Variants in PIAS2 observed in about 807,000 individuals in gnomAD.
PIAS2 encodes protein inhibitor of activated STAT 2, also known as E3 SUMO-protein ligase PIAS2.
In PIAS2, 19 loss-of-function variants were observed where a neutral mutation model predicts 69.7. That is an observed-to-expected ratio of 0.27 (90% CI 0.19 to 0.40). The LOEUF is 0.40. Ranked by LOEUF, PIAS2 falls within the 10% of genes least tolerant of loss-of-function variation. The pLI is 1.00. For missense variants in PIAS2, 624 were observed against 757.0 expected (o/e 0.82, Z 2.06); for synonymous variants, 261 against 263.2 (o/e 0.99, Z 0.08).
intron 10 of PIAS2, among the ~76,000 whole-genome samples, 198 bp downstream of exon 10, chr18:46,829,536 A>T (rs1461848568): frequency 1.3e-5 from 2 of 152,226 alleles, no homozygotes; most frequent in Non-Finnish European, 2.9e-5. Flanking sequence ...AAAATATACT[A>T]TGAAATAGCT....
At chr18:46,822,282 A>AC (rs2042259760) in intron 11 of PIAS2, among the ~76,000 whole-genome samples, 1 of 152,352 alleles carries the variant, frequency 6.6e-6, no homozygotes, top group East Asian at 1.9e-4. Flanking sequence ...CAACTATGTT[A>AC]GTCTCAGAAA....
Position 46,891,016 on chromosome 18 carries a change from T to C in PIAS2, c.63A>G (p.Val21=), listed in dbSNP as rs763169778. ...VSSFRVSELQ[V]LLGFAGRNKS... is the part of the protein sequence containing the mutation. ...TATTCCGTCCAGCAAAGCCTAGTAA[T>C]ACTTGTAGTTCAGAAACCCTAAAAC... The change falls in exon 2 of 14, where the codon GTA becomes GTG. Residue 21 remains valine, a synonymous_variant. Transcript: ENST00000585916. 1.3e-5 allele frequency: 21 copies of C among 1,608,692 alleles called. No homozygotes were observed. The highest frequency in any genetic ancestry group is 1.7e-5 in the Non-Finnish European group (20 of 1,177,134).
At chr18:46,818,175 T>C in intron 12 of PIAS2, 1 of 1,145,772 alleles carries the variant, frequency 8.7e-7, no homozygotes. Context: ...TTTCCTTATT[T>C]GAGTCATAAA....
At chr18:46,814,859 C>T (rs2041344291) in intron 13 of PIAS2, among the ~76,000 whole-genome samples, 1 of 152,156 alleles carries the variant, frequency 6.6e-6, no homozygotes, top group Non-Finnish European at 1.5e-5. Flanking sequence ...CAACTTTAAA[C>T]TGGGGCCTCC....
intron 1 of PIAS2, 99 bp from the exon 2 acceptor site, chr18:46,891,153 T>G: frequency 3.6e-6 from 3 of 825,600 alleles, no homozygotes; most frequent in Non-Finnish European, 5.8e-6. Flanking sequence ...CAGCATTCTA[T>G]CAATTGGCAT....
chr18:46,895,834 T>C (rs558149384), intron 1 of PIAS2, among the ~76,000 whole-genome samples: 2 of 152,300 alleles, frequency 1.3e-5, no homozygotes, highest in South Asian at 2.1e-4. Flanking sequence ...CAAAGGTCAT[T>C]GGAGGCCCCA....
intron 1 of PIAS2, among the ~76,000 whole-genome samples, chr18:46,904,559 T>C (rs1442653059): frequency 6.6e-6 from 1 of 152,146 alleles, no homozygotes; most frequent in East Asian, 1.9e-4. Context: ...AAGACCAGCC[T>C]GGCCAACATG....
upstream of PIAS2, among the ~76,000 whole-genome samples, chr18:46,919,903 T>C (rs1345344489): frequency 6.6e-6 from 1 of 152,218 alleles, no homozygotes; most frequent in Non-Finnish European, 1.5e-5. Context: ...CATTGTTTAG[T>C]AGGCTTTAAG....
At chr18:46,903,265 ACAAT>A (rs1330180154) in intron 1 of PIAS2, among the ~76,000 whole-genome samples, 2 of 152,228 alleles carry the variant, frequency 1.3e-5, no homozygotes, top group Non-Finnish European at 2.9e-5. Flanking sequence ...GGAAAAAAAG[ACAAT>A]CAACAGACTC....
At chr18:46,831,981 G>A (rs2043690375) in intron 9 of PIAS2, among the ~76,000 whole-genome samples, 1 of 152,186 alleles carries the variant, frequency 6.6e-6, no homozygotes. Flanking sequence ...AGACACTTCT[G>A]CTTTTTGACA....
intron 1 of PIAS2, among the ~76,000 whole-genome samples, chr18:46,916,490 C>T (rs920166667): frequency 2.0e-5 from 3 of 151,966 alleles, no homozygotes; most frequent in African/African-American, 7.3e-5. Flanking sequence ...CCATCTCATT[C>T]GTCACACTTA....
intron 1 of PIAS2, among the ~76,000 whole-genome samples, chr18:46,911,565 G>C (rs373085801): frequency 9.9e-5 from 15 of 152,274 alleles, no homozygotes; most frequent in African/African-American, 3.6e-4. Context: ...CAGAAGTGAA[G>C]TTTCTCTATG....
At chr18:46,813,934 T>G (rs984908733) in intron 13 of PIAS2, among the ~76,000 whole-genome samples, 7 of 152,134 alleles carry the variant, frequency 4.6e-5, no homozygotes, top group African/African-American at 1.4e-4. Flanking sequence ...TTTTCTAAAA[T>G]CAAATCAATT....
At chr18:46,908,500 A>G (rs2056885512) in intron 1 of PIAS2, among the ~76,000 whole-genome samples, 1 of 151,978 alleles carries the variant, frequency 6.6e-6, no homozygotes, top group African/African-American at 2.4e-5. Context: ...ACTGTATACA[A>G]AATCAACTCC....
rs1037894640 is a variant in PIAS2 at position 46,826,370 on chromosome 18, T to G, written c.1508+1589A>C. The stretch of plus-strand genomic sequence containing the variant: ...TAAAAATGTAGTAAAGGACAGAGGG[T>G]AGACCCTTGTGGCATGCCACCAGAG... On this transcript the variant is annotated intron_variant, in intron 11 of 13. Coordinates refer to ENST00000585916, the MANE Select transcript of PIAS2 (RefSeq NM_004671.5). 2.0e-5 allele frequency among the ~76,000 whole-genome samples: 3 copies of G among 152,032 alleles called. No individual in the cohort carries two copies. The South Asian group carries it at 6.2e-4, about 32-fold the overall frequency.
chr18:46,887,239 A>G (rs923144633), intron 2 of PIAS2, among the ~76,000 whole-genome samples: 20 of 150,188 alleles, frequency 1.3e-4, no homozygotes, highest in South Asian at 2.1e-4. Context: ...AAACATAAAT[A>G]AAGCAAAAAG....
At chr18:46,816,909 C>T in intron 12 of PIAS2, 1 of 937,906 alleles carries the variant, frequency 1.1e-6, no homozygotes, top group Non-Finnish European at 1.3e-6. Context: ...TCTCAATAAG[C>T]AGATTTTGTC....
At chr18:46,889,243 C>T (rs189240292) in intron 2 of PIAS2, among the ~76,000 whole-genome samples, 105 of 152,182 alleles carry the variant, frequency 6.9e-4, no homozygotes, top group African/African-American at 2.4e-3. Flanking sequence ...ATTGGAATTT[C>T]ATGAAAAAAT....
intron 5 of PIAS2, chr18:46,853,624 AC>A (rs1172454691): frequency 2.0e-5 from 3 of 152,352 alleles, no homozygotes; most frequent in African/African-American, 7.2e-5. Flanking sequence ...CCCTGTCCCT[AC>A]TAAAATTACA....
Sources: gnomAD v4.1 joint callset for allele counts (sites outside exome capture counted in the v4.1 genomes callset) on GRCh38, gnomAD v4.1.1 for gene constraint, MANE v1.5 for transcripts, NCBI Gene and HGNC (gene_info 2026-07-23, HGNC 2026-07-21) for gene names.